THOP1: variants seen among roughly 807,000 people sequenced by gnomAD.
THOP1 encodes the protein thimet oligopeptidase.
In THOP1, 49 loss-of-function variants were observed where a neutral mutation model predicts 71.8. The ratio of observed to expected loss-of-function variants is 0.68; its 90% CI spans 0.54 to 0.87. The LOEUF (loss-of-function observed/expected upper bound fraction) is 0.87, where lower values mean the gene tolerates loss of function less well. Among genes scored for constraint, THOP1 ranks in the 40% least tolerant of loss-of-function variants. The probability of loss-of-function intolerance (pLI) is 0.00; values close to 1 mark genes in which losing one functional copy is unlikely to be tolerated. For synonymous variants in THOP1, 426 were observed against 421.5 expected (o/e 1.01, Z -0.13); for missense variants, 843 against 975.6 (o/e 0.86, Z 1.81).
intron 12 of THOP1, chr19:2,811,956 G>T: frequency 8.4e-7 from 1 of 1,192,630 alleles, no homozygotes; most frequent in Non-Finnish European, 1.1e-6. Flanking sequence ...TGTGCCGGGT[G>T]AGCCATCCCG....
chr19:2,808,451 G>T lies in THOP1; in HGVS notation c.1455+7G>T. The T allele has an allele frequency of 6.3e-7, 1 of 1,589,786 alleles. No individual in the cohort carries two copies. Among genetic ancestry groups the T allele is most frequent in the South Asian group, 1.1e-5 (1 of 89,514 alleles). ...GCACCAGCTCTGCTCCCAGGTGGGT[G>T]CGGGCCCGGGCAGGGGCAGGGGCAG... On this transcript the variant is annotated splice_region_variant and intron_variant, in intron 9 of 12. Coordinates refer to ENST00000307741, the MANE Select transcript of THOP1 (RefSeq NM_003249.5).
Position 2,805,986 on chromosome 19 carries a change from C to T in THOP1, c.750+810C>T, listed in dbSNP as rs1371407174. On this transcript the variant is annotated intron_variant, in intron 6 of 12. Coordinates refer to ENST00000307741, the MANE Select transcript of THOP1 (RefSeq NM_003249.5). This position sits in a 1 kb window ranked among gnomAD's most constrained non-coding sequence, Gnocchi z 6.6. ...GGGGATGGGCGGGTGCCCATCACTG[C>T]GGGGGGTGGGGGACGGGTGGGTACC... 2.3e-3 allele frequency: 2 copies of T among 872 alleles called. No homozygotes were observed. Among genetic ancestry groups the T allele is most frequent in the Admixed American group, 0.016 (1 of 62 alleles). 0.1% of individuals were successfully genotyped at this position (872 alleles called of 1,614,324 possible). A position where few individuals can be genotyped will look rare whatever the true frequency, so the allele number is the denominator to read the frequency against.
At chr19:2,810,224 T>G in intron 9 of THOP1, 80 bp from the exon 10 acceptor site, 1 of 1,515,490 alleles carries the variant, frequency 6.6e-7, no homozygotes, top group African/African-American at 1.4e-5. Flanking sequence ...GTTTGCACTG[T>G]GGCAGCTGAC....
At chr19:2,794,399 C>A (rs768818174) in intron 2 of THOP1, among the ~76,000 whole-genome samples, 16 of 152,222 alleles carry the variant, frequency 1.1e-4, no homozygotes, top group Non-Finnish European at 2.1e-4. Flanking sequence ...GTAGTTTATG[C>A]ATTTAAATGT....
intron 5 of THOP1, among the ~76,000 whole-genome samples, chr19:2,800,698 C>T (rs762142908): frequency 7.9e-5 from 12 of 152,236 alleles, no homozygotes; most frequent in Admixed American, 1.3e-4. Context: ...TCAGCCCTCC[C>T]GTGTCTCGGG....
Position 2,796,140 on chromosome 19 carries a change from C to G in THOP1, c.438C>G (p.Ile146Met), listed in dbSNP as rs1395390458. The G allele has an allele frequency of 6.2e-7, 1 of 1,613,728 alleles. No individual in the cohort carries two copies. Among genetic ancestry groups the G allele is most frequent in the African/African-American group, 1.3e-5 (1 of 74,920 alleles). ...CTGCGCGGTACCTGGAGCGGCTAAT[C>G]AAGCTGGGCCGGAGAAATGGGCTTC... ...PEAARYLERL[I>M]KLGRRNGLHL... Residue 146 changes from isoleucine to methionine, a missense_variant, in exon 4 of 13, where the codon ATC (isoleucine) becomes ATG (methionine). Transcript: ENST00000307741.
At position 2,799,776 on chromosome 19, in the gene THOP1, A is replaced by C. The variant is rs1228535340; in HGVS notation, c.574A>C (p.Thr192Pro). Residue 192 changes from threonine to proline, a missense_variant, in exon 5 of 13, where the codon ACG (threonine) becomes CCG (proline). Physicochemically the swap from Thr to Pro is conservative, Grantham distance 38. Coordinates refer to ENST00000307741, the MANE Select transcript of THOP1 (RefSeq NM_003249.5). Reference protein sequence around the residue: ...LNEDTTFLPFTLQELGGLPED... With the variant: ...LNEDTTFLPFPLQELGGLPED... ...CGAGGACACGACCTTCCTGCCCTTC[A>C]CGCTCCAGGAGCTAGGTAGGGGCCG... The C allele has an allele frequency of 1.2e-6, 2 of 1,613,756 alleles. No homozygotes were observed. The highest frequency in any genetic ancestry group is 3.3e-5 in the Admixed American group (2 of 60,026).
rs1916261633 is a variant in THOP1, at chr19:2,805,192, C to A, written c.750+16C>A. On this transcript the variant is annotated intron_variant, in intron 6 of 12. Transcript: ENST00000307741. The surrounding 1 kb of genome is among the most constrained non-coding windows in gnomAD (Gnocchi z 6.6). Reference sequence around the variant, plus strand: ...GTGCAAGGAGGTGAGAAGGCACGGCCAGGGGGCCCCAGAACAGTGGGTCTG... The same window carrying A: ...GTGCAAGGAGGTGAGAAGGCACGGCAAGGGGGCCCCAGAACAGTGGGTCTG... 1 of 1,604,168 alleles carries A rather than the reference C, an allele frequency of 6.2e-7. No individual in the cohort carries two copies. Among genetic ancestry groups the A allele is most frequent in the Admixed American group, 1.7e-5 (1 of 59,198 alleles).
At chr19:2,810,266 G>A in intron 9 of THOP1, 38 bp from the exon 10 acceptor site, 1 of 1,599,280 alleles carries the variant, frequency 6.3e-7, no homozygotes, top group East Asian at 2.2e-5. Flanking sequence ...GGGCTAGGCA[G>A]GACCTGGGCA....
Position 2,807,689 on chromosome 19 carries a change from G to A in THOP1, c.1134G>A (p.Gly378=), listed in dbSNP as rs1436089763. 1 of 1,605,076 alleles carries A rather than the reference G, an allele frequency of 6.2e-7. No homozygotes were observed. The highest frequency in any genetic ancestry group is 8.5e-7 in the Non-Finnish European group (1 of 1,173,996). Residue 378 remains glycine (G), a synonymous_variant, in exon 8 of 13, where the codon GGG becomes GGA. Coordinates refer to ENST00000307741, the MANE Select transcript of THOP1 (RefSeq NM_003249.5). The stretch of plus-strand genomic sequence containing the variant: ...TGGGCATCTACCAGGAGCTCCTGGG[G>A]CTGGCCTTCCACCACGAGGAGGGCG... ...GLLGIYQELL[G]LAFHHEEGAS...
At chr19:2,813,050 T>C (rs1916521500) in intron 12 of THOP1, 65 bp from the exon 13 acceptor site, 2 of 1,521,708 alleles carry the variant, frequency 1.3e-6, no homozygotes, top group African/African-American at 1.4e-5. Context: ...GTGTGCAGAC[T>C]CCTGGGGTCC....
chr19:2,812,198 G>T (rs1916495589), intron 12 of THOP1: 2 of 1,506,044 alleles, frequency 1.3e-6, no homozygotes, highest in Non-Finnish European at 1.8e-6. Context: ...CCAACCTCCA[G>T]TTTCCTCACT....
intron 5 of THOP1, among the ~76,000 whole-genome samples, chr19:2,800,487 G>A (rs1433557596): frequency 2.0e-5 from 3 of 152,218 alleles, no homozygotes; most frequent in Admixed American, 6.5e-5. Flanking sequence ...CAGGCAGGCC[G>A]GAATATTCTG....
chr19:2,812,367 C>T (rs77120277), intron 12 of THOP1: 1 of 1,518,312 alleles, frequency 6.6e-7, no homozygotes, highest in Non-Finnish European at 8.8e-7. Flanking sequence ...ACTGGGCAGC[C>T]TGCAGGTACC....
At chr19:2,810,214 GTT>G in intron 9 of THOP1, 88 bp from the exon 10 acceptor site, 1 of 1,487,694 alleles carries the variant, frequency 6.7e-7, no homozygotes, top group African/African-American at 1.4e-5. Flanking sequence ...CACTCGCCCT[GTT>G]TGCACTGTGG....
At position 2,808,448 on chromosome 19, in the gene THOP1, G is replaced by A. The variant is rs768071573; in HGVS notation, c.1455+4G>A. ...GATGCACCAGCTCTGCTCCCAGGTGGGTGCGGGCCCGGGCAGGGGCAGGGG... is the reference window on the plus strand; with the variant it reads ...GATGCACCAGCTCTGCTCCCAGGTGAGTGCGGGCCCGGGCAGGGGCAGGGG... On this transcript the variant is annotated splice_donor_region_variant and intron_variant, in intron 9 of 12. Coordinates refer to ENST00000307741, the MANE Select transcript of THOP1 (RefSeq NM_003249.5). 24 of 1,592,890 alleles carry A rather than the reference G, an allele frequency of 1.5e-5. No homozygotes were observed. Among genetic ancestry groups the A allele is most frequent in the African/African-American group, 2.7e-5 (2 of 74,470 alleles).
At chr19:2,810,020 T>G (rs1383016861) in intron 9 of THOP1, 14 of 490,958 alleles carry the variant, frequency 2.9e-5, no homozygotes, top group Non-Finnish European at 4.0e-5. Context: ...TGCGGAGCTT[T>G]CAGGGAGCAG....
intron 2 of THOP1, among the ~76,000 whole-genome samples, chr19:2,793,097 C>T (rs1915922815): frequency 6.6e-6 from 1 of 151,948 alleles, no homozygotes; most frequent in South Asian, 2.1e-4. Flanking sequence ...ATCACTTGAA[C>T]CCGGGAGGCG....
At position 2,794,416 on chromosome 19, in the gene THOP1, C is replaced by T. The variant is rs148387694; in HGVS notation, c.230-348C>T. Among the ~76,000 whole-genome samples the T allele has an allele frequency of 1.7e-3, 261 of 152,340 alleles. 1 individual carries two copies. The highest frequency in any genetic ancestry group is 6.0e-3 in the African/African-American group (248 of 41,576). On this transcript the variant is annotated intron_variant, in intron 2 of 12. Coordinates refer to ENST00000307741, the MANE Select transcript of THOP1 (RefSeq NM_003249.5). ...AGTTTATGCATTTAAATGTGACCAT[C>T]GGCAGCTGCAGCTCTCTCTGGAATG...
Sources: gnomAD v4.1 joint callset for allele counts (sites outside exome capture counted in the v4.1 genomes callset) on GRCh38, gnomAD v4.1.1 for gene constraint, Gnocchi (gnomAD v3.1) non-coding constraint, MANE v1.5 for transcripts, NCBI Gene and HGNC (gene_info 2026-07-23, HGNC 2026-07-21) for gene names.